NIBAN1: variants seen among roughly 807,000 people sequenced by gnomAD.
The protein encoded by NIBAN1 is protein Niban 1.
Under a neutral mutation model 75.1 loss-of-function variants are expected in NIBAN1, and 81 were observed. The observed-to-expected ratio is 1.08, with a 90% CI of 0.90 to 1.30. The LOEUF is 1.30. NIBAN1 is among the 50% of genes most tolerant of loss of function. NIBAN1 has a pLI of 0.00. For synonymous variants in NIBAN1, 436 were observed against 424.8 expected (o/e 1.03, Z -0.32); for missense variants, 1,133 against 1,128.1 (o/e 1.00, Z -0.06).
rs543548643 is a variant in NIBAN1, at chr1:184,851,493, G to C, written c.602-19531C>G. On this transcript the variant is annotated intron_variant, in intron 5 of 13. Transcript: ENST00000367511. The stretch of plus-strand genomic sequence containing the variant: ...GGGGACTGTGGTGGGGTCGGGGGAG[G>C]GGGGAGGGATAGCATTGGAGATATA... Among the ~76,000 whole-genome samples, 24 of 47,182 alleles carry C rather than the reference G, an allele frequency of 5.1e-4. 3 individuals are homozygous for C. The South Asian group carries it at 0.013, about 26-fold the overall frequency. 31.0% of individuals were successfully genotyped at this position (47,182 alleles called of 152,430 possible).
chr1:184,869,028 T>A (rs1392306369), intron 5 of NIBAN1, among the ~76,000 whole-genome samples: 2 of 152,150 alleles, frequency 1.3e-5, no homozygotes, highest in African/African-American at 4.8e-5. Flanking sequence ...AGTATCAGCA[T>A]CAGCATTACC....
At chr1:184,826,188 T>C (rs1333994664) in intron 6 of NIBAN1, among the ~76,000 whole-genome samples, 1 of 152,212 alleles carries the variant, frequency 6.6e-6, no homozygotes, top group Non-Finnish European at 1.5e-5. Flanking sequence ...TCCTGTCATC[T>C]GCCAAGTGGA....
At chr1:184,834,928 C>T (rs577601583) in intron 5 of NIBAN1, among the ~76,000 whole-genome samples, 2 of 152,202 alleles carry the variant, frequency 1.3e-5, no homozygotes, top group East Asian at 1.9e-4. Flanking sequence ...AAGTCTTTGT[C>T]CTGAATAGTA....
intron 1 of NIBAN1, among the ~76,000 whole-genome samples, chr1:184,971,332 C>T (rs544398809): frequency 4.0e-5 from 6 of 151,502 alleles, no homozygotes; most frequent in Non-Finnish European, 8.8e-5. Context: ...GAAGAGCACC[C>T]AAACTGATCA....
At chr1:184,893,841 T>C (rs532885916) in intron 3 of NIBAN1, among the ~76,000 whole-genome samples, 14 of 152,252 alleles carry the variant, frequency 9.2e-5, no homozygotes, top group Admixed American at 3.3e-4. Context: ...AACTGCTGTA[T>C]ACCCAGAACC....
intron 6 of NIBAN1, among the ~76,000 whole-genome samples, chr1:184,829,709 G>T (rs566868883): frequency 6.6e-6 from 1 of 151,712 alleles, no homozygotes; most frequent in Non-Finnish European, 1.5e-5. Flanking sequence ...CTTGTGATCT[G>T]CCCGCCTTGG....
intron 1 of NIBAN1, among the ~76,000 whole-genome samples, chr1:184,914,537 A>C (rs1439970068): frequency 1.3e-5 from 2 of 152,142 alleles, no homozygotes; most frequent in Non-Finnish European, 2.9e-5. Flanking sequence ...AGTGTGACTG[A>C]AAAACTTAAT....
intron 5 of NIBAN1, among the ~76,000 whole-genome samples, chr1:184,880,501 C>T (rs1054465221): frequency 6.6e-6 from 1 of 152,200 alleles, no homozygotes; most frequent in South Asian, 2.1e-4. Context: ...TTCCTCTCTC[C>T]TCTCTAAGCA....
intron 5 of NIBAN1, among the ~76,000 whole-genome samples, chr1:184,864,176 A>G (rs745508919): frequency 6.6e-6 from 1 of 152,188 alleles, no homozygotes; most frequent in Non-Finnish European, 1.5e-5. Context: ...TCCTTTAGCT[A>G]TCTAAATCTT....
Position 184,968,105 on chromosome 1 carries a change from A to T in NIBAN1, c.55+6197T>A, listed in dbSNP as rs1419585643. 1.8e-3 allele frequency among the ~76,000 whole-genome samples: 93 copies of T among 53,064 alleles called. 40 individuals are homozygous for T. The South Asian group carries it at 0.035, about 20-fold the overall frequency. The allele number at this position is 53,064 out of a possible 152,430, so 34.8% of individuals were successfully genotyped here. A position where few individuals can be genotyped will look rare whatever the true frequency, so the allele number is the denominator to read the frequency against. On this transcript the variant is annotated intron_variant, in intron 1 of 13. Transcript: ENST00000367511. ...GTAGTCCCAGCTACTGGGGAGGCTG[A>T]GGCAGGAGAATGGCGTGAACCCGGG...
chr1:184,930,367 A>G (rs1440247501), intron 1 of NIBAN1, among the ~76,000 whole-genome samples: 1 of 152,214 alleles, frequency 6.6e-6, no homozygotes, highest in East Asian at 1.9e-4. Flanking sequence ...AGATGTATCT[A>G]TCAACCCTCA....
intron 5 of NIBAN1, among the ~76,000 whole-genome samples, chr1:184,862,282 A>T (rs1655838086): frequency 6.6e-6 from 1 of 151,008 alleles, no homozygotes; most frequent in African/African-American, 2.4e-5. Context: ...TTCCTAGTCG[A>T]TGCTCCATTT....
chr1:184,937,907 T>C (rs1299195684), intron 1 of NIBAN1, among the ~76,000 whole-genome samples: 2 of 152,192 alleles, frequency 1.3e-5, no homozygotes, highest in South Asian at 2.1e-4. Flanking sequence ...GCAAGGAGCA[T>C]GTGAGTCCGG....
chr1:184,930,397 G>A (rs1657788902), intron 1 of NIBAN1, among the ~76,000 whole-genome samples: 1 of 152,190 alleles, frequency 6.6e-6, no homozygotes, highest in Non-Finnish European at 1.5e-5. Context: ...GGAGGAGACT[G>A]ACAGTTTAAT....
intron 1 of NIBAN1, among the ~76,000 whole-genome samples, chr1:184,901,059 T>C (rs900409890): frequency 2.0e-5 from 3 of 152,170 alleles, no homozygotes; most frequent in African/African-American, 7.2e-5. Flanking sequence ...CTTGAATCCA[T>C]AGCAACCCGT....
chr1:184,949,159 C>G (rs2102061260), intron 1 of NIBAN1, among the ~76,000 whole-genome samples: 1 of 152,190 alleles, frequency 6.6e-6, no homozygotes, highest in East Asian at 1.9e-4. Context: ...AGAGACCATC[C>G]TGGCTAACAC....
chr1:184,909,678 C>G (rs1210453177), intron 1 of NIBAN1, among the ~76,000 whole-genome samples: 1 of 152,214 alleles, frequency 6.6e-6, no homozygotes, highest in East Asian at 1.9e-4. Context: ...CTTATCCTCA[C>G]AAGATTTTGT....
chr1:184,879,515 C>T (rs1656321570), intron 5 of NIBAN1, among the ~76,000 whole-genome samples: 3 of 151,982 alleles, frequency 2.0e-5, no homozygotes, highest in Non-Finnish European at 4.4e-5. Context: ...GAACTTGCTT[C>T]GTAGGTGACC....
At chr1:184,969,104 C>G (rs959012796) in intron 1 of NIBAN1, among the ~76,000 whole-genome samples, 5 of 152,192 alleles carry the variant, frequency 3.3e-5, no homozygotes, top group African/African-American at 1.2e-4. Context: ...CATTTAGTTG[C>G]AAAGGAGTTT....
Sources: gnomAD v4.1 joint callset for allele counts (sites outside exome capture counted in the v4.1 genomes callset) on GRCh38, gnomAD v4.1.1 for gene constraint, MANE v1.5 for transcripts, NCBI Gene and HGNC (gene_info 2026-07-23, HGNC 2026-07-21) for gene names.